Variants in ACSS1 observed in about 807,000 individuals in gnomAD.
ACSS1 encodes the protein acyl-CoA synthetase short chain family member 1, also known as acetyl-coenzyme A synthetase 2-like, mitochondrial.
In ACSS1, 42 loss-of-function variants were observed where a neutral mutation model predicts 75.3. The ratio of observed to expected loss-of-function variants is 0.56; its 90% CI spans 0.44 to 0.72. ACSS1 has a LOEUF of 0.72. Ranked by LOEUF, ACSS1 falls within the 30% of genes least tolerant of loss-of-function variation. ACSS1 has a pLI of 0.00. For missense variants in ACSS1, 782 were observed against 935.7 expected (o/e 0.84, Z 2.14); for synonymous variants, 380 against 376.8 (o/e 1.01, Z -0.10).
chr20:25,017,579 A>C (rs2088541236), intron 7 of ACSS1, among the ~76,000 whole-genome samples: 1 of 152,214 alleles, frequency 6.6e-6, no homozygotes, highest in Non-Finnish European at 1.5e-5. Context: ...AGAACCGGTT[A>C]TGCAACAGGA....
intron 6 of ACSS1, among the ~76,000 whole-genome samples, chr20:25,021,009 G>T (rs1342295829): frequency 1.3e-5 from 2 of 152,254 alleles, no homozygotes; most frequent in Non-Finnish European, 2.9e-5. Context: ...AGGCTCAGGG[G>T]CAGGGCTGGG....
intron 3 of ACSS1, among the ~76,000 whole-genome samples, chr20:25,026,301 C>T (rs1006725184): frequency 6.6e-6 from 1 of 152,196 alleles, no homozygotes; most frequent in African/African-American, 2.4e-5. Context: ...AGGTCTCCTC[C>T]CCTTGAATCT....
Position 25,007,829 on chromosome 20 carries a change from G to C in ACSS1, c.2003C>G (p.Pro668Arg). The C allele has an allele frequency of 6.2e-7, 1 of 1,614,174 alleles. No individual in the cohort carries two copies. The highest frequency in any genetic ancestry group is 8.5e-7 in the Non-Finnish European group (1 of 1,180,022). Residue 668 changes from proline to arginine, a missense_variant, in exon 14 of 14, where the codon CCC becomes CGC. Pro to Arg is a moderately radical substitution (Grantham distance 103, BLOSUM62 -2). Coordinates refer to ENST00000323482, the MANE Select transcript of ACSS1 (RefSeq NM_032501.4). ...ACTCAGGATCTCTGCGATGATGCTGGGGTCCTCCAAGGTGGTAGTGTCTCC... is the reference window on the plus strand; with the variant it reads ...ACTCAGGATCTCTGCGATGATGCTGCGGTCCTCCAAGGTGGTAGTGTCTCC... ...ELGDTTTLED[P>R]SIIAEILSVY...
chr20:25,057,687 A>C, intron 1 of ACSS1, 82 bp downstream of exon 1: 2 of 1,355,190 alleles, frequency 1.5e-6, no homozygotes, highest in Non-Finnish European at 2.0e-6. Flanking sequence ...CTGCCCGGGG[A>C]CGGCTGCCGC....
intron 1 of ACSS1, among the ~76,000 whole-genome samples, chr20:25,050,331 T>G (rs1276850862): frequency 6.6e-6 from 1 of 152,116 alleles, no homozygotes; most frequent in Non-Finnish European, 1.5e-5. Flanking sequence ...AGTGACTCTA[T>G]GATGCTATGA....
At chr20:25,051,460 T>C (rs989918653) in intron 1 of ACSS1, among the ~76,000 whole-genome samples, 1 of 152,198 alleles carries the variant, frequency 6.6e-6, no homozygotes, top group Non-Finnish European at 1.5e-5. Flanking sequence ...CATTCTCTTT[T>C]TTGGCCCAAA....
chr20:25,056,816 A>C (rs1278056951), intron 1 of ACSS1, among the ~76,000 whole-genome samples: 1 of 152,158 alleles, frequency 6.6e-6, no homozygotes, highest in Non-Finnish European at 1.5e-5. Context: ...CCTCTGATCA[A>C]CACCGTGTCT....
intron 13 of ACSS1, among the ~76,000 whole-genome samples, 171 bp downstream of exon 13, chr20:25,009,099 T>A (rs2088362076): frequency 6.6e-6 from 1 of 152,158 alleles, no homozygotes; most frequent in African/African-American, 2.4e-5. Context: ...CTTCTCCCTC[T>A]ATGACAACAC....
intron 7 of ACSS1, among the ~76,000 whole-genome samples, chr20:25,015,897 T>C (rs527357772): frequency 1.3e-5 from 2 of 152,326 alleles, no homozygotes; most frequent in African/African-American, 4.8e-5. Flanking sequence ...TCTGAGCAAC[T>C]GCTTGGGGCA....
chr20:25,014,538 G>A (rs757652560), intron 8 of ACSS1, among the ~76,000 whole-genome samples: 64 of 152,200 alleles, frequency 4.2e-4, no homozygotes, highest in Non-Finnish European at 6.6e-4. Context: ...CTGAATGGAT[G>A]GGACTGTCCC....
In ACSS1 at chr20:25,007,945, G is replaced by A. The variant is rs770969663; in HGVS notation, c.1891-4C>T. 1.9e-6 allele frequency: 3 copies of A among 1,613,764 alleles called. No homozygotes were observed. Among genetic ancestry groups the A allele is most frequent in the South Asian group, 1.1e-5 (1 of 91,020 alleles). On this transcript the variant is annotated splice_region_variant and splice_polypyrimidine_tract_variant and intron_variant, in intron 13 of 13. Transcript: ENST00000323482. ...TTTTTGGAAGACGTTTCACCACCTG[G>A]CAAGGAACAGGCACAGTGTTAGAGC...
intron 1 of ACSS1, among the ~76,000 whole-genome samples, chr20:25,052,649 G>T (rs190310073): frequency 6.6e-6 from 1 of 152,364 alleles, no homozygotes; most frequent in East Asian, 1.9e-4. Flanking sequence ...GCATTTTCTG[G>T]ATTATTCATT....
At chr20:25,025,242 C>T (rs1042526876) in intron 3 of ACSS1, among the ~76,000 whole-genome samples, 3 of 152,228 alleles carry the variant, frequency 2.0e-5, no homozygotes, top group Non-Finnish European at 4.4e-5. Flanking sequence ...TCACTCCTGA[C>T]TCGCACCTGT....
intron 8 of ACSS1, 23 bp downstream of exon 8, chr20:25,015,115 A>T: frequency 6.3e-7 from 1 of 1,595,194 alleles, no homozygotes. Flanking sequence ...TTAGACCGGA[A>T]CCTGTTCCCC....
At chr20:25,026,887 A>C (rs1310891821) in intron 3 of ACSS1, among the ~76,000 whole-genome samples, 1 of 152,204 alleles carries the variant, frequency 6.6e-6, no homozygotes, top group Non-Finnish European at 1.5e-5. Flanking sequence ...AGGAATTCTG[A>C]GGTTCTGGGA....
At chr20:25,018,036 T>C (rs1208783946) in intron 7 of ACSS1, among the ~76,000 whole-genome samples, 1 of 152,236 alleles carries the variant, frequency 6.6e-6, no homozygotes, top group Admixed American at 6.5e-5. Flanking sequence ...AGCTCCAGCA[T>C]GCCAAGAGAG....
At chr20:25,028,687 C>T (rs6132788) in intron 3 of ACSS1, among the ~76,000 whole-genome samples, 19,202 of 152,128 alleles carry the variant, frequency 0.13, 1,457 homozygotes, top group Middle Eastern at 0.23. Flanking sequence ...ACAGGGAGGC[C>T]GAGGCGGGCG....
rs1568829107 is a variant in ACSS1, at chr20:25,013,570, C to T, written c.1545G>A (p.Gln515=). 1.2e-6 allele frequency: 2 copies of T among 1,607,302 alleles called. No homozygotes were observed. The highest frequency in any genetic ancestry group is 2.2e-5 in the East Asian group (1 of 44,616). ...GMARTIYGDH[Q]RFVDAYFKAY... ...CCTTGAAGTAGGCGTCCACAAATCG[C>T]TGGTGGTCGCCATAGATGGTCCTGG... The change falls in exon 10 of 14, where the codon CAG becomes CAA. Residue 515 remains glutamine (Q), a synonymous_variant. Coordinates refer to ENST00000323482, the MANE Select transcript of ACSS1 (RefSeq NM_032501.4).
At chr20:25,045,904 TAGA>T (rs1198919752) in intron 2 of ACSS1, 1 of 150,424 alleles carries the variant, frequency 6.6e-6, no homozygotes, top group Non-Finnish European at 1.5e-5. Flanking sequence ...CAAACCATTT[TAGA>T]AGAAGTCAAT....
Sources: allele counts gnomAD v4.1 joint callset (sites outside exome capture counted in the v4.1 genomes callset), GRCh38; gene constraint gnomAD v4.1.1; transcripts MANE v1.5; gene names NCBI Gene and HGNC (gene_info 2026-07-23, HGNC 2026-07-21).